MMP26: variants seen among roughly 807,000 people sequenced by gnomAD.
MMP26 encodes matrix metalloproteinase-26.
In MMP26, 33 loss-of-function variants were observed where a neutral mutation model predicts 31.0. That is an observed-to-expected ratio of 1.06 (90% CI 0.81 to 1.42). The LOEUF (loss-of-function observed/expected upper bound fraction) is 1.42, where lower values mean the gene tolerates loss of function less well. Ranked by LOEUF, MMP26 falls within the 40% of genes most tolerant of loss-of-function variation. MMP26 has a pLI of 0.00. For synonymous variants in MMP26, 122 were observed against 114.9 expected, an observed-to-expected ratio of 1.06 and a Z score of -0.40; for missense variants, 347 against 316.1, an observed-to-expected ratio of 1.10 and a Z score of -0.74.
chr11:4,869,909 C>A (rs975642255), intron 2 of MMP26, among the ~76,000 whole-genome samples: 2 of 152,170 alleles, frequency 1.3e-5, no homozygotes, highest in African/African-American at 4.8e-5. Context: ...ATGATGAGTT[C>A]ATGTCCTTTG....
chr11:4,899,812 A>G (rs1348371837), intron 2 of MMP26, among the ~76,000 whole-genome samples: 4 of 152,150 alleles, frequency 2.6e-5, no homozygotes, highest in Non-Finnish European at 4.4e-5. Context: ...TTATTTTTAA[A>G]TTAATTAAAA....
intron 2 of MMP26, among the ~76,000 whole-genome samples, chr11:4,894,580 C>A (rs1255269766): frequency 2.0e-5 from 3 of 152,048 alleles, no homozygotes; most frequent in East Asian, 1.9e-4. Context: ...AATGTCATTT[C>A]TATCACATTT....
At chr11:4,932,114 T>C (rs1213258632) in intron 2 of MMP26, among the ~76,000 whole-genome samples, 1 of 152,116 alleles carries the variant, frequency 6.6e-6, no homozygotes, top group Non-Finnish European at 1.5e-5. Flanking sequence ...TTGAACAACT[T>C]CTGGATGGTC....
chr11:4,724,742 A>G lies in MMP26; in HGVS notation c.-217+19697A>G, dbSNP rs568927802. On this transcript the variant is annotated intron_variant, in intron 1 of 7. Coordinates refer to ENST00000380390, the MANE Select transcript of MMP26 (RefSeq NM_021801.5). ...CGTTTATTGCTATAATACAATGTTA[A>G]CATTGAATTTTTCCTTCCTAGTTAT... 1.4e-4 allele frequency among the ~76,000 whole-genome samples: 22 copies of G among 152,370 alleles called. No individual in the cohort carries two copies. The South Asian group carries it at 4.3e-3, about 30-fold the overall frequency.
At chr11:4,894,201 T>C (rs574794342) in intron 2 of MMP26, among the ~76,000 whole-genome samples, 12 of 152,246 alleles carry the variant, frequency 7.9e-5, no homozygotes, top group African/African-American at 2.9e-4. Context: ...TAATGCATTA[T>C]GCTAGATGTT....
chr11:4,761,986 C>T (rs1308106478), intron 1 of MMP26, among the ~76,000 whole-genome samples: 1 of 149,932 alleles, frequency 6.7e-6, no homozygotes. Context: ...AAGCAACTAC[C>T]AGGAAAAAAA....
rs146834513 is a variant in MMP26 at position 4,903,542 on chromosome 11, T to C, written c.-144-84526T>C. Among the ~76,000 whole-genome samples the C allele has an allele frequency of 1.6e-4, 24 of 152,234 alleles. 1 individual carries two copies. The highest frequency in any genetic ancestry group is 5.5e-4 in the African/African-American group (23 of 41,584). On this transcript the variant is annotated intron_variant, in intron 2 of 7. Coordinates refer to ENST00000380390, the MANE Select transcript of MMP26 (RefSeq NM_021801.5). The stretch of plus-strand genomic sequence containing the variant: ...TACAAATCCCATGTGTCAAGCTTCT[T>C]CAACTTCAAATGTTTACCTTTCAGA...
chr11:4,729,120 A>C (rs1443315524), intron 1 of MMP26, among the ~76,000 whole-genome samples: 1 of 151,888 alleles, frequency 6.6e-6, no homozygotes, highest in African/African-American at 2.4e-5. Flanking sequence ...TTAAATATTA[A>C]ATATTAAATA....
Position 4,838,097 on chromosome 11 carries a change from C to T in MMP26, c.-145+70756C>T, listed in dbSNP as rs567708566. Among the ~76,000 whole-genome samples, 11 of 151,186 alleles carry T rather than the reference C, an allele frequency of 7.3e-5. No individual in the cohort carries two copies. The South Asian group carries it at 8.4e-4, about 12-fold the overall frequency. On this transcript the variant is annotated intron_variant, in intron 2 of 7. Transcript: ENST00000380390. ...CTTTGGGAGGCTGAGGCAGGCGGAT[C>T]ACGAGGTCAGGAGATCAAGACCATC...
chr11:4,942,671 T>A (rs188344690), intron 2 of MMP26, among the ~76,000 whole-genome samples: 3 of 152,296 alleles, frequency 2.0e-5, no homozygotes, highest in African/African-American at 7.2e-5. Flanking sequence ...AGTGTGTTTT[T>A]AAGTTCTGAT....
chr11:4,843,179 T>C (rs1849819928), intron 2 of MMP26, among the ~76,000 whole-genome samples: 1 of 152,228 alleles, frequency 6.6e-6, no homozygotes, highest in African/African-American at 2.4e-5. Flanking sequence ...GTGCAAGCTA[T>C]CGGTGGATCT....
intron 2 of MMP26, among the ~76,000 whole-genome samples, chr11:4,897,721 A>G (rs1025221878): frequency 6.6e-6 from 1 of 151,650 alleles, no homozygotes; most frequent in Non-Finnish European, 1.5e-5. Flanking sequence ...ACTTATTAAG[A>G]TAGTCTACCA....
At chr11:4,936,470 G>C (rs1302736493) in intron 2 of MMP26, among the ~76,000 whole-genome samples, 3 of 152,032 alleles carry the variant, frequency 2.0e-5, no homozygotes, top group South Asian at 2.1e-4. Flanking sequence ...TTGAAAGATT[G>C]ATATTTAAGA....
Position 4,820,326 on chromosome 11 carries a change from A to G in MMP26, c.-145+52985A>G, listed in dbSNP as rs77384467. On this transcript the variant is annotated intron_variant, in intron 2 of 7. Coordinates refer to ENST00000380390, the MANE Select transcript of MMP26 (RefSeq NM_021801.5). Reference sequence around the variant, plus strand: ...TTCTTTGTTGAATAATAATGATTGGATCATATTATGGATATGAAGATAATT... The same window carrying G: ...TTCTTTGTTGAATAATAATGATTGGGTCATATTATGGATATGAAGATAATT... Among the ~76,000 whole-genome samples, 279 of 152,246 alleles carry G rather than the reference A, an allele frequency of 1.8e-3. 3 individuals carry two copies. The East Asian group carries it at 0.049, about 27-fold the overall frequency.
intron 2 of MMP26, chr11:4,876,522 CTT>C (rs1850381322): frequency 6.6e-6 from 1 of 152,208 alleles, no homozygotes; most frequent in Non-Finnish European, 1.5e-5. Context: ...TTAATGAGCT[CTT>C]CTCTATTTTC....
intron 1 of MMP26, among the ~76,000 whole-genome samples, chr11:4,746,698 G>C (rs544057443): frequency 6.6e-6 from 1 of 152,178 alleles, no homozygotes; most frequent in South Asian, 2.1e-4. Context: ...GCCGGGTTTG[G>C]TGGTGGGCAC....
At chr11:4,815,571 CAA>C (rs35785571) in intron 2 of MMP26, among the ~76,000 whole-genome samples, 4,224 of 135,478 alleles carry the variant, frequency 0.031, 88 homozygotes, top group Non-Finnish European at 0.042. Flanking sequence ...TGAAGTATAA[CAA>C]AAAAAAAAAG....
chr11:4,853,183 A>G (rs150529123), intron 2 of MMP26, among the ~76,000 whole-genome samples: 2 of 152,308 alleles, frequency 1.3e-5, no homozygotes, highest in Non-Finnish European at 2.9e-5. Context: ...AAATTTGCCA[A>G]AGGGCACCTC....
At chr11:4,806,728 A>C (rs1336388743) in intron 2 of MMP26, among the ~76,000 whole-genome samples, 1 of 152,174 alleles carries the variant, frequency 6.6e-6, no homozygotes, top group Admixed American at 6.5e-5. Flanking sequence ...TTAAACTGGA[A>C]TCTTGACCAT....
Sources: gnomAD v4.1 joint callset for allele counts (sites outside exome capture counted in the v4.1 genomes callset) on GRCh38, gnomAD v4.1.1 for gene constraint, MANE v1.5 for transcripts, NCBI Gene and HGNC (gene_info 2026-07-23, HGNC 2026-07-21) for gene names.